The following EPB41L2 variants were observed in gnomAD, a reference collection of about 807,000 sequenced individuals.
The protein encoded by EPB41L2 is band 4.1-like protein 2.
Under a neutral mutation model 113.0 loss-of-function variants are expected in EPB41L2, and 43 were observed. That is an observed-to-expected ratio of 0.38 (90% CI 0.30 to 0.49). EPB41L2 has a LOEUF of 0.49. Ranked by LOEUF, EPB41L2 falls within the 20% of genes least tolerant of loss-of-function variation. The probability of loss-of-function intolerance (pLI) is 0.95; values close to 1 mark genes in which losing one functional copy is unlikely to be tolerated. For synonymous variants in EPB41L2, 442 were observed against 436.7 expected (o/e 1.01, Z -0.15); for missense variants, 1,147 against 1,223.4 (o/e 0.94, Z 0.93).
intron 1 of EPB41L2, among the ~76,000 whole-genome samples, chr6:130,965,471 G>A (rs1774852314): frequency 6.6e-6 from 1 of 151,674 alleles, no homozygotes; most frequent in Non-Finnish European, 1.5e-5. Flanking sequence ...ATTTTATTTG[G>A]TCTCTATCTG....
intron 14 of EPB41L2, among the ~76,000 whole-genome samples, chr6:130,874,410 G>A (rs776992608): frequency 5.3e-5 from 8 of 151,728 alleles, no homozygotes; most frequent in Non-Finnish European, 1.0e-4. Context: ...AAAGATAAAC[G>A]AGAACCCCTG....
intron 6 of EPB41L2, among the ~76,000 whole-genome samples, chr6:130,902,461 G>A (rs1024185349): frequency 6.6e-6 from 1 of 152,188 alleles, no homozygotes; most frequent in African/African-American, 2.4e-5. Context: ...CATGACAAGT[G>A]CTCGGTAATT....
In EPB41L2 at chr6:130,894,444, G is replaced by A. The variant is rs1054394067; in HGVS notation, c.1390-3C>T. On this transcript the variant is annotated splice_region_variant and splice_polypyrimidine_tract_variant and intron_variant, in intron 9 of 19. Transcript: ENST00000337057. ...ATGGTACTCTCAAACTGTTCCAGCT[G>A]GAATAAATCCGTAAAACAAATCAGC... The A allele has an allele frequency of 1.9e-6, 3 of 1,612,906 alleles. No homozygotes were observed. In the African/African-American group the frequency reaches 4.0e-5, roughly 22 times the overall value.
chr6:130,876,991 T>A (rs1043705823), intron 14 of EPB41L2, among the ~76,000 whole-genome samples: 1 of 152,188 alleles, frequency 6.6e-6, no homozygotes, highest in African/African-American at 2.4e-5. Context: ...TTTTTTATCA[T>A]CTTCAGAAAA....
At chr6:131,004,141 C>T (rs1784944551) in intron 1 of EPB41L2, among the ~76,000 whole-genome samples, 1 of 152,144 alleles carries the variant, frequency 6.6e-6, no homozygotes, top group Admixed American at 6.5e-5. Flanking sequence ...TAGACAGTCC[C>T]TGCTTCATGA....
At chr6:130,920,719 A>G (rs769963163) in intron 4 of EPB41L2, among the ~76,000 whole-genome samples, 7 of 152,080 alleles carry the variant, frequency 4.6e-5, no homozygotes, top group Non-Finnish European at 8.8e-5. Flanking sequence ...TATGTTGCCC[A>G]GGCTGGTCTC....
At position 130,870,066 on chromosome 6, in the gene EPB41L2, C is replaced by T. The variant is rs760761253; in HGVS notation, c.2104G>A (p.Glu702Lys). 35 of 1,613,950 alleles carry T rather than the reference C, an allele frequency of 2.2e-5. No homozygotes were observed. Among genetic ancestry groups the T allele is most frequent in the South Asian group, 3.3e-5 (3 of 91,070 alleles). Reference sequence around the variant, plus strand: ...TTCATTTCTTCTGTGATTACTCTTTCGTCTTTCCCAACCTCTGCCCGCTTC... The same window carrying T: ...TTCATTTCTTCTGTGATTACTCTTTTGTCTTTCCCAACCTCTGCCCGCTTC... The part of the protein sequence containing the change: ...EKKRAEVGKD[E>K]RVITEEMNGK... Residue 702 changes from glutamate to lysine, a missense_variant, in exon 15 of 20, where the codon GAA becomes AAA. By Grantham distance (56) the Glu-to-Lys change is moderately conservative. Transcript: ENST00000337057.
In EPB41L2 at chr6:130,990,406, G is replaced by A. The variant is rs117114920; in HGVS notation, c.-14-33907C>T. Among the ~76,000 whole-genome samples, 1,310 of 151,628 alleles carry A rather than the reference G, an allele frequency of 8.6e-3. 10 individuals are homozygous for A. The highest frequency in any genetic ancestry group is 0.022 in the South Asian group (104 of 4,798). ...AAGCCTGTAAAAGAGAAAAAGAAAC[G>A]AAGACTAGATGGGAGAAATACATAA... On this transcript the variant is annotated intron_variant, in intron 1 of 19. Transcript: ENST00000337057.
rs578110093 is a variant in EPB41L2 at position 131,023,812 on chromosome 6, C to T, written c.-15+39343G>A. Among the ~76,000 whole-genome samples, 332 of 150,358 alleles carry T rather than the reference C, an allele frequency of 2.2e-3. 1 individual carries two copies. Among genetic ancestry groups the T allele is most frequent in the Non-Finnish European group, 4.2e-3 (282 of 67,710 alleles). On this transcript the variant is annotated intron_variant, in intron 1 of 19. Coordinates refer to ENST00000337057, the MANE Select transcript of EPB41L2 (RefSeq NM_001431.4). ...AGATATATCCCTTTCCTGAAAAGAA[C>T]TCTATGTCTATAGGAGTATTTAACT...
intron 1 of EPB41L2, among the ~76,000 whole-genome samples, chr6:130,999,506 C>T (rs779489139): frequency 3.4e-4 from 51 of 152,132 alleles, no homozygotes; most frequent in Admixed American, 1.4e-3. Flanking sequence ...AATATTATTT[C>T]GGCACATTTG....
At chr6:130,981,333 T>C (rs6926250) in intron 1 of EPB41L2, among the ~76,000 whole-genome samples, 52,158 of 152,072 alleles carry the variant, frequency 0.34, 9,604 homozygotes, top group Non-Finnish European at 0.42. Flanking sequence ...GGTGTTTTGT[T>C]TTCATCATAG....
In EPB41L2 at chr6:130,922,075, C is replaced by T. The variant is rs533166120; in HGVS notation, c.810+4530G>A. ...CTATGTGTGTGTGCATATGCGCACA[C>T]GCACGCACGTGTGTTTACGAACAAT... On this transcript the variant is annotated intron_variant, in intron 4 of 19. Coordinates refer to ENST00000337057, the MANE Select transcript of EPB41L2 (RefSeq NM_001431.4). 8.5e-5 allele frequency among the ~76,000 whole-genome samples: 13 copies of T among 152,256 alleles called. No individual in the cohort carries two copies. In the South Asian group the frequency reaches 1.0e-3, roughly 12 times the overall value.
chr6:130,863,921 C>T (rs951773411), intron 17 of EPB41L2, among the ~76,000 whole-genome samples: 4 of 152,204 alleles, frequency 2.6e-5, no homozygotes, highest in African/African-American at 9.7e-5. Context: ...AAAGTTATAG[C>T]ATCCACAAGT....
At chr6:130,930,647 T>A (rs924358575) in intron 3 of EPB41L2, among the ~76,000 whole-genome samples, 1 of 152,102 alleles carries the variant, frequency 6.6e-6, no homozygotes, top group African/African-American at 2.4e-5. Flanking sequence ...AGATTAGATA[T>A]GCCCAGCTGC....
chr6:130,892,639 A>AT (rs2128483713), intron 10 of EPB41L2, among the ~76,000 whole-genome samples: 1 of 140,508 alleles, frequency 7.1e-6, no homozygotes, highest in East Asian at 2.2e-4. Flanking sequence ...AAAAATTAAC[A>AT]TATTAGTCTT....
intron 11 of EPB41L2, among the ~76,000 whole-genome samples, chr6:130,886,159 A>C (rs112524635): frequency 0.01 from 1,594 of 152,300 alleles, 40 homozygotes; most frequent in African/African-American, 0.037. Context: ...CCATGTCCTA[A>C]GGGAAGCCTG....
In EPB41L2 at chr6:130,943,636, A is replaced by G. The variant is rs981529277; in HGVS notation, c.705+11469T>C. 3.9e-5 allele frequency among the ~76,000 whole-genome samples: 6 copies of G among 152,330 alleles called. No individual in the cohort carries two copies. The East Asian group carries it at 1.2e-3, about 29-fold the overall frequency. ...TCAAGTTTAATGCTTTTAAAATACC[A>G]GTGATGCAGGGGCAAACAAAGTAAT... On this transcript the variant is annotated intron_variant, in intron 3 of 19. Transcript: ENST00000337057.
At chr6:130,944,742 A>C (rs1812211587) in intron 3 of EPB41L2, among the ~76,000 whole-genome samples, 1 of 152,172 alleles carries the variant, frequency 6.6e-6, no homozygotes, top group Non-Finnish European at 1.5e-5. Context: ...AACTTGACAC[A>C]AGGGAAGACT....
chr6:130,947,201 C>A (rs1477393761), intron 3 of EPB41L2, among the ~76,000 whole-genome samples: 1 of 152,072 alleles, frequency 6.6e-6, no homozygotes, highest in Non-Finnish European at 1.5e-5. Flanking sequence ...CATTTGAGGC[C>A]TTTTAGAACC....
Sources: gnomAD v4.1 joint callset for allele counts (sites outside exome capture counted in the v4.1 genomes callset) on GRCh38, gnomAD v4.1.1 for gene constraint, MANE v1.5 for transcripts, NCBI Gene and HGNC (gene_info 2026-07-23, HGNC 2026-07-21) for gene names.